RBM47: variants seen among roughly 807,000 people sequenced by gnomAD.
RBM47 encodes the protein RNA-binding protein 47.
Under a neutral mutation model 47.1 loss-of-function variants are expected in RBM47, and 21 were observed. The ratio of observed to expected loss-of-function variants is 0.45; its 90% CI spans 0.32 to 0.64. The LOEUF is 0.64. Among genes scored for constraint, RBM47 ranks in the 30% least tolerant of loss-of-function variants. The pLI is 0.05. For synonymous variants in RBM47, 375 were observed against 361.7 expected, an observed-to-expected ratio of 1.04 and a Z score of -0.42; for missense variants, 708 against 870.9, an observed-to-expected ratio of 0.81 and a Z score of 2.35.
rs185843873 is a variant in RBM47 at position 40,453,701 on chromosome 4, G to A, written c.-32+12876C>T. Among the ~76,000 whole-genome samples the A allele has an allele frequency of 1.9e-3, 286 of 152,318 alleles. 1 individual carries two copies. The highest frequency in any genetic ancestry group is 6.6e-3 in the African/African-American group (274 of 41,568). On this transcript the variant is annotated intron_variant, in intron 3 of 6. Transcript: ENST00000295971. Reference sequence around the variant, plus strand: ...CCATGTCTAGTATTTCTGGAGAAGTGGCTGGAGAGTGTATTTCACTTACAT... The same window carrying A: ...CCATGTCTAGTATTTCTGGAGAAGTAGCTGGAGAGTGTATTTCACTTACAT...
At chr4:40,506,190 T>C (rs1472029314) in intron 2 of RBM47, among the ~76,000 whole-genome samples, 1 of 152,240 alleles carries the variant, frequency 6.6e-6, no homozygotes, top group Non-Finnish European at 1.5e-5. Context: ...GTTTTGTTTC[T>C]ACTCCAAGTC....
chr4:40,572,089 A>C (rs1207050411), intron 1 of RBM47, among the ~76,000 whole-genome samples: 1 of 132,372 alleles, frequency 7.6e-6, no homozygotes, highest in Non-Finnish European at 1.6e-5. Flanking sequence ...AACTACTGGA[A>C]AAAAAAAAAA....
chr4:40,598,674 G>A (rs1734970293), intron 1 of RBM47, among the ~76,000 whole-genome samples: 4 of 152,102 alleles, frequency 2.6e-5, no homozygotes, highest in Non-Finnish European at 5.9e-5. Flanking sequence ...ATGCTTTGCA[G>A]GAATGAAAGT....
At chr4:40,569,016 T>TAGATAGATAGATAGATAGATAGATAGAC (rs1472373539) in intron 1 of RBM47, among the ~76,000 whole-genome samples, 21 of 98,896 alleles carry the variant, frequency 2.1e-4, no homozygotes, top group African/African-American at 6.9e-4. Context: ...GATAGATAGA[T>TAGATAGATAGATAGATAGATAGATAGAC]AGACAGACAG....
At chr4:40,439,277 C>A (rs1713260782) in intron 3 of RBM47, among the ~76,000 whole-genome samples, 3 of 152,184 alleles carry the variant, frequency 2.0e-5, no homozygotes, top group Admixed American at 2.0e-4. Context: ...TTAACTCCAC[C>A]TGATTTCCTT....
chr4:40,530,808 C>T (rs1184973621), intron 2 of RBM47, among the ~76,000 whole-genome samples: 1 of 152,194 alleles, frequency 6.6e-6, no homozygotes, highest in Non-Finnish European at 1.5e-5. Context: ...TTTCAGAATT[C>T]TCCATGCAAG....
chr4:40,440,617 G>T lies in RBM47; in HGVS notation c.-31-1693C>A, dbSNP rs555740979. 7.8e-4 allele frequency among the ~76,000 whole-genome samples: 119 copies of T among 152,266 alleles called. 1 individual carries two copies. Among genetic ancestry groups the T allele is most frequent in the Admixed American group, 1.3e-3 (20 of 15,294 alleles). Reference sequence around the variant, plus strand: ...AAAATAGTCCTTTTGTGGTTAATTTGCTCTAATATCAAGCGGCAGTACAGT... The same window carrying T: ...AAAATAGTCCTTTTGTGGTTAATTTTCTCTAATATCAAGCGGCAGTACAGT... On this transcript the variant is annotated intron_variant, in intron 3 of 6. Coordinates refer to ENST00000295971, the MANE Select transcript of RBM47 (RefSeq NM_001098634.2).
chr4:40,514,733 C>G (rs527439564), intron 2 of RBM47: 8 of 152,364 alleles, frequency 5.3e-5, no homozygotes, highest in African/African-American at 1.2e-4. Flanking sequence ...AATGAACAAG[C>G]AGGCTCTATT....
intron 1 of RBM47, among the ~76,000 whole-genome samples, chr4:40,592,955 A>G (rs867955622): frequency 2.3e-4 from 3 of 12,964 alleles, no homozygotes; most frequent in African/African-American, 3.0e-4. Flanking sequence ...ATATATATAT[A>G]TATATATATA....
chr4:40,619,803 C>T (rs1276075000), intron 1 of RBM47, among the ~76,000 whole-genome samples: 1 of 152,152 alleles, frequency 6.6e-6, no homozygotes, highest in Non-Finnish European at 1.5e-5. Context: ...AATCTCATCT[C>T]CACCCAACAA....
intron 1 of RBM47, among the ~76,000 whole-genome samples, chr4:40,575,967 C>A (rs918741390): frequency 5.3e-5 from 8 of 152,200 alleles, no homozygotes; most frequent in Non-Finnish European, 1.5e-5. Context: ...TGGGGGCCTG[C>A]CAGTGCTGGT....
At chr4:40,525,211 G>A (rs1398523069) in intron 2 of RBM47, among the ~76,000 whole-genome samples, 4 of 152,134 alleles carry the variant, frequency 2.6e-5, no homozygotes, top group Admixed American at 6.6e-5. Flanking sequence ...GCCAAGGTGC[G>A]CAGATTGCTT....
chr4:40,545,709 G>GCAAGGCTCCTTCTCAAAAATAAAT (rs1553899595), intron 1 of RBM47, among the ~76,000 whole-genome samples: 4 of 72,626 alleles, frequency 5.5e-5, no homozygotes, highest in Admixed American at 3.0e-4. Context: ...AAATAAAAGA[G>GCAAGGCTCCTTCTCAAAAATAAAT]AAAGAGAGGG....
At chr4:40,568,288 C>T (rs2154267929) in intron 1 of RBM47, among the ~76,000 whole-genome samples, 1 of 151,568 alleles carries the variant, frequency 6.6e-6, no homozygotes, top group African/African-American at 2.4e-5. Context: ...ATTAGCTGGG[C>T]ATGGCGGCGC....
rs1213913858 is a variant in RBM47, at chr4:40,434,002, G to GGGGTGTATGTGTGT, written c.1331-1141_1331-1140insACACACATACACCC. Among the ~76,000 whole-genome samples the GGGGTGTATGTGTGT allele has an allele frequency of 4.2e-4, 19 of 45,632 alleles. 1 individual carries two copies. Among genetic ancestry groups the GGGGTGTATGTGTGT allele is most frequent in the African/African-American group, 8.9e-4 (17 of 19,054 alleles). The allele number at this position is 45,632 out of a possible 152,430, so 29.9% of individuals were successfully genotyped here. On this transcript the variant is annotated intron_variant, in intron 5 of 6. Transcript: ENST00000295971. Reference sequence around the variant, plus strand: ...TGTGAGTGTGTGTGTGTGGGGCGGGGGTGTGTGTGTGTGTGTGTGTGTGTG... The same window carrying GGGGTGTATGTGTGT: ...TGTGAGTGTGTGTGTGTGGGGCGGGGGGGTGTATGTGTGTGTGTGTGTGTGTGTGTGTGTGTGTG...
In RBM47 at chr4:40,424,759, C is replaced by A. The variant is rs1165662400; in HGVS notation, c.*1145G>T. On this transcript the variant is annotated 3_prime_UTR_variant, in exon 7 of 7. Coordinates refer to ENST00000295971, the MANE Select transcript of RBM47 (RefSeq NM_001098634.2). ...AGGCAACTAGAAGCATAACTTTCTG[C>A]TGAAAAGAGTCTCTGGGGGTCTTGT... The A allele has an allele frequency of 6.6e-6, 1 of 152,116 alleles. No homozygotes were observed. Among genetic ancestry groups the A allele is most frequent in the Non-Finnish European group, 1.5e-5 (1 of 68,010 alleles). The allele number at this position is 152,116 out of a possible 1,614,324, so 9.4% of individuals were successfully genotyped here.
chr4:40,568,937 C>T (rs560346065), intron 1 of RBM47, among the ~76,000 whole-genome samples: 16 of 151,574 alleles, frequency 1.1e-4, no homozygotes, highest in African/African-American at 2.2e-4. Flanking sequence ...GCCGAGATTG[C>T]GCCATTGCAC....
At chr4:40,599,433 ACT>A (rs1735044439) in intron 1 of RBM47, among the ~76,000 whole-genome samples, 1 of 151,680 alleles carries the variant, frequency 6.6e-6, no homozygotes, top group Non-Finnish European at 1.5e-5. Flanking sequence ...ATGTCTGTAA[ACT>A]CTCTGACACT....
intron 3 of RBM47, among the ~76,000 whole-genome samples, chr4:40,446,683 G>C (rs1714570389): frequency 7.2e-6 from 1 of 138,384 alleles, no homozygotes; most frequent in South Asian, 2.3e-4. Context: ...AGGCTGCAGT[G>C]AGCTATGATT....
Sources: gnomAD v4.1 joint callset for allele counts (sites outside exome capture counted in the v4.1 genomes callset) on GRCh38, gnomAD v4.1.1 for gene constraint, MANE v1.5 for transcripts, NCBI Gene and HGNC (gene_info 2026-07-23, HGNC 2026-07-21) for gene names.